The following CYBC1 variants were observed in gnomAD, a reference collection of about 807,000 sequenced individuals.
The protein encoded by CYBC1 is cytochrome b-245 chaperone 1.
A neutral mutation model predicts 21.7 loss-of-function variants in CYBC1; 22 were observed. That is an observed-to-expected ratio of 1.02 (90% CI 0.73 to 1.45). CYBC1 has a LOEUF of 1.45. Ranked by LOEUF, CYBC1 falls within the 40% of genes most tolerant of loss-of-function variation. CYBC1 has a pLI of 0.00. For synonymous variants in CYBC1, 112 were observed against 98.7 expected (o/e 1.13, Z -0.80); for missense variants, 237 against 242.1 (o/e 0.98, Z 0.14).
chr17:82,443,912 A>G lies in CYBC1; in HGVS notation c.*92T>C. 8.1e-7 allele frequency: 1 copy of G among 1,228,026 alleles called. No individual in the cohort carries two copies. The highest frequency in any genetic ancestry group is 1.2e-6 in the Non-Finnish European group (1 of 847,130). 76.1% of individuals were successfully genotyped at this position (1,228,026 alleles called of 1,614,324 possible). ...GGCTCAGGCACACCGGGAATGTGCC[A>G]CGGGTCCTGTGGGCGGTGCACGGGC... On this transcript the variant is annotated 3_prime_UTR_variant, in exon 7 of 7. Coordinates refer to ENST00000306645, the MANE Select transcript of CYBC1 (RefSeq NM_001033046.4). The surrounding 1 kb of genome is among the most constrained non-coding windows in gnomAD (Gnocchi z 6.7).
At chr17:82,447,687 G>C in intron 2 of CYBC1, 66 bp from the exon 3 acceptor site, 4 of 1,423,014 alleles carry the variant, frequency 2.8e-6, no homozygotes, top group Non-Finnish European at 3.9e-6. Context: ...GGTGCAGCGG[G>C]ACCAGGAGCC....
intron 2 of CYBC1, 74 bp from the exon 3 acceptor site, chr17:82,447,695 G>A: frequency 1.5e-6 from 2 of 1,350,268 alleles, no homozygotes; most frequent in Non-Finnish European, 2.1e-6. Context: ...GGGACCAGGA[G>A]CCACAGCCCC....
At position 82,443,288 on chromosome 17, in the gene CYBC1, T is replaced by C. The variant is rs2054078512; in HGVS notation, c.*716A>G. On this transcript the variant is annotated 3_prime_UTR_variant, in exon 7 of 7. Transcript: ENST00000306645. This position sits in a 1 kb window ranked among gnomAD's most constrained non-coding sequence, Gnocchi z 6.7. ...CTGGCCTCACAGCTTATGCTGAAGC[T>C]GAGTGTGAGGAACAGAGAGACCTTT... 8.1e-6 allele frequency: 3 copies of C among 371,234 alleles called. No homozygotes were observed. The highest frequency in any genetic ancestry group is 1.6e-5 in the Non-Finnish European group (3 of 190,272). The allele number at this position is 371,234 out of a possible 1,614,324, so 23.0% of individuals were successfully genotyped here.
intron 3 of CYBC1, chr17:82,447,057 T>C (rs925020574): frequency 3.9e-5 from 14 of 356,496 alleles, no homozygotes; most frequent in Admixed American, 1.8e-4. Flanking sequence ...ACAGAAGACT[T>C]AAGAAGTGAA....
rs1455641187 is a variant in CYBC1, at chr17:82,443,934, G to A, written c.*70C>T. ...GCCACGGGTCCTGTGGGCGGTGCAC[G>A]GGCTCAGGCACACCGGGAATGTGCC... On this transcript the variant is annotated 3_prime_UTR_variant, in exon 7 of 7. Transcript: ENST00000306645. This position sits in a 1 kb window ranked among gnomAD's most constrained non-coding sequence, Gnocchi z 6.7. 1.5e-5 allele frequency: 24 copies of A among 1,587,914 alleles called. No individual in the cohort carries two copies. Among genetic ancestry groups the A allele is most frequent in the Admixed American group, 6.7e-5 (4 of 59,636 alleles).
At chr17:82,444,233 C>A in intron 6 of CYBC1, 109 bp from the exon 7 acceptor site, 1 of 1,500,118 alleles carries the variant, frequency 6.7e-7, no homozygotes, top group Non-Finnish European at 8.9e-7. Flanking sequence ...GACCCTGGAG[C>A]TCCCAAACTG....
chr17:82,446,862 C>T (rs984632189), intron 3 of CYBC1, 166 bp from the exon 4 acceptor site: 18 of 637,746 alleles, frequency 2.8e-5, no homozygotes, highest in Admixed American at 5.4e-5. Context: ...AGGACCCACA[C>T]GCGGCACACC....
chr17:82,449,084 G>C, intron 2 of CYBC1, 86 bp downstream of exon 2: 1 of 1,074,580 alleles, frequency 9.3e-7, no homozygotes, highest in Non-Finnish European at 1.3e-6. Flanking sequence ...ATAGAAAAAA[G>C]AGAAAATATT....
chr17:82,446,617 C>A lies in CYBC1; in HGVS notation c.201+6G>T. ...GGACTCTGTCCCGCACCCGAGCCGG[C>A]CTTACCTCCCAGTCCTCCAAGTTCT... On this transcript the variant is annotated splice_donor_region_variant and intron_variant, in intron 4 of 6. Coordinates refer to ENST00000306645, the MANE Select transcript of CYBC1 (RefSeq NM_001033046.4). The A allele has an allele frequency of 1.2e-6, 2 of 1,614,070 alleles. No homozygotes were observed. The highest frequency in any genetic ancestry group is 1.7e-6 in the Non-Finnish European group (2 of 1,179,972).
Position 82,443,933 on chromosome 17 carries a change from C to T in CYBC1, c.*71G>A, listed in dbSNP as rs530045699. The T allele has an allele frequency of 9.4e-6, 15 of 1,588,944 alleles. No individual in the cohort carries two copies. The highest frequency in any genetic ancestry group is 2.2e-4 in the Middle Eastern group (1 of 4,492). ...TGCCACGGGTCCTGTGGGCGGTGCA[C>T]GGGCTCAGGCACACCGGGAATGTGC... On this transcript the variant is annotated 3_prime_UTR_variant, in exon 7 of 7. Transcript: ENST00000306645. The surrounding 1 kb of genome is among the most constrained non-coding windows in gnomAD (Gnocchi z 6.7).
At position 82,445,973 on chromosome 17, in the gene CYBC1, A is replaced by G. The variant is rs1284329122; in HGVS notation, c.202-13T>C. On this transcript the variant is annotated splice_polypyrimidine_tract_variant and intron_variant, in intron 4 of 6. Transcript: ENST00000306645. ...CGAAGATGGCTTCCTGGAAACCGACATGCACTGACCACCATGAACCTCCAG... is the reference window on the plus strand; with the variant it reads ...CGAAGATGGCTTCCTGGAAACCGACGTGCACTGACCACCATGAACCTCCAG... The G allele has an allele frequency of 1.2e-6, 2 of 1,610,864 alleles. No homozygotes were observed. Among genetic ancestry groups the G allele is most frequent in the Admixed American group, 1.7e-5 (1 of 59,856 alleles).
intron 4 of CYBC1, among the ~76,000 whole-genome samples, chr17:82,446,249 G>A (rs1393285408): frequency 6.6e-6 from 1 of 152,214 alleles, no homozygotes; most frequent in African/African-American, 2.4e-5. Context: ...AGCAAACGAG[G>A]GCATGGAGGT....
rs780483492 is a variant in CYBC1 at position 82,443,475 on chromosome 17, A to T, written c.*529T>A. 2.9e-6 allele frequency: 2 copies of T among 681,874 alleles called. No individual in the cohort carries two copies. Among genetic ancestry groups the T allele is most frequent in the South Asian group, 3.0e-5 (2 of 65,994 alleles). The allele number at this position is 681,874 out of a possible 1,614,324, so 42.2% of individuals were successfully genotyped here. On this transcript the variant is annotated 3_prime_UTR_variant, in exon 7 of 7. Coordinates refer to ENST00000306645, the MANE Select transcript of CYBC1 (RefSeq NM_001033046.4). The surrounding 1 kb of genome is among the most constrained non-coding windows in gnomAD (Gnocchi z 6.7). ...CTCACTGCCCTTGGGGAAGCACCTG[A>T]CCGCTGGGGATGTCCACCAGGGAGA...
chr17:82,442,634 A>C lies in CYBC1; in HGVS notation c.*1370T>G. On this transcript the variant is annotated 3_prime_UTR_variant, in exon 7 of 7. Coordinates refer to ENST00000306645, the MANE Select transcript of CYBC1 (RefSeq NM_001033046.4). The surrounding 1 kb of genome is among the most constrained non-coding windows in gnomAD (Gnocchi z 6.8). ...TGATTCTTTGGAAATAAAGAGTGGA[A>C]GCTGCAGGTGACACGTGAAGGGTTA... The C allele has an allele frequency of 1.3e-6, 2 of 1,522,234 alleles. No individual in the cohort carries two copies. The highest frequency in any genetic ancestry group is 1.8e-6 in the Non-Finnish European group (2 of 1,124,038). The allele number at this position is 1,522,234 out of a possible 1,614,324, so 94.3% of individuals were successfully genotyped here.
At chr17:82,444,665 G>C in intron 5 of CYBC1, 74 bp from the exon 6 acceptor site, 2 of 1,505,062 alleles carry the variant, frequency 1.3e-6, no homozygotes, top group South Asian at 1.3e-5. Flanking sequence ...AGCGCCACTG[G>C]CATCATCGAA....
intron 4 of CYBC1, 62 bp downstream of exon 4, chr17:82,446,561 A>T: frequency 6.5e-7 from 1 of 1,541,900 alleles, no homozygotes; most frequent in Non-Finnish European, 9.0e-7. Context: ...TTTCATTCCC[A>T]TTGCAAAAAA....
chr17:82,447,754 C>T (rs951116805), intron 2 of CYBC1, 133 bp from the exon 3 acceptor site: 5 of 792,322 alleles, frequency 6.3e-6, no homozygotes, highest in African/African-American at 3.5e-5. Flanking sequence ...TCAGGGGTTA[C>T]AGACCACCAG....
At chr17:82,446,540 C>A (rs1356726324) in intron 4 of CYBC1, 83 bp downstream of exon 4, 2 of 1,370,034 alleles carry the variant, frequency 1.5e-6, no homozygotes, top group African/African-American at 1.4e-5. Context: ...ACCCAGGGCC[C>A]TTCCTCCTCC....
chr17:82,443,502 G>A lies in CYBC1; in HGVS notation c.*502C>T, dbSNP rs1415641374. 1 of 697,378 alleles carries A rather than the reference G, an allele frequency of 1.4e-6. No individual in the cohort carries two copies. Among genetic ancestry groups the A allele is most frequent in the Non-Finnish European group, 2.6e-6 (1 of 382,216 alleles). 43.2% of individuals were successfully genotyped at this position (697,378 alleles called of 1,614,324 possible). The stretch of plus-strand genomic sequence containing the variant: ...CGCTGGGGATGTCCACCAGGGAGAG[G>A]ACGCTGTGTCGGGGACAACATGCAG... On this transcript the variant is annotated 3_prime_UTR_variant, in exon 7 of 7. Coordinates refer to ENST00000306645, the MANE Select transcript of CYBC1 (RefSeq NM_001033046.4). The surrounding 1 kb of genome is among the most constrained non-coding windows in gnomAD (Gnocchi z 6.7).
Sources: gnomAD v4.1 joint callset for allele counts (sites outside exome capture counted in the v4.1 genomes callset) on GRCh38, gnomAD v4.1.1 for gene constraint, Gnocchi (gnomAD v3.1) non-coding constraint, MANE v1.5 for transcripts, NCBI Gene and HGNC (gene_info 2026-07-23, HGNC 2026-07-21) for gene names.